UBR2: variants seen among roughly 807,000 people sequenced by gnomAD.
The protein encoded by UBR2 is E3 ubiquitin-protein ligase UBR2.
UBR2 carries 92 observed loss-of-function variants against 247.9 expected under a neutral mutation model. The ratio of observed to expected loss-of-function variants is 0.37; its 90% CI spans 0.31 to 0.44. The LOEUF (loss-of-function observed/expected upper bound fraction) is 0.44, where lower values mean the gene tolerates loss of function less well. Ranked by LOEUF, UBR2 falls within the 20% of genes least tolerant of loss-of-function variation. The probability of loss-of-function intolerance (pLI) is 1.00; values close to 1 mark genes in which losing one functional copy is unlikely to be tolerated. For missense variants in UBR2, 1,613 were observed against 2,112.6 expected, an observed-to-expected ratio of 0.76 and a Z score of 4.64; for synonymous variants, 672 against 693.5, an observed-to-expected ratio of 0.97 and a Z score of 0.49.
At chr6:42,622,411 T>G (rs2151944651) in intron 11 of UBR2, among the ~76,000 whole-genome samples, 1 of 151,324 alleles carries the variant, frequency 6.6e-6, no homozygotes, top group East Asian at 1.9e-4. Flanking sequence ...GTGGGTTTTT[T>G]TTTTTTTTGA....
At chr6:42,675,571 C>T (rs1321659032) in intron 38 of UBR2, among the ~76,000 whole-genome samples, 3 of 152,104 alleles carry the variant, frequency 2.0e-5, no homozygotes, top group African/African-American at 7.2e-5. Context: ...TTTCATGTAG[C>T]CAGTCCTATT....
rs537022561 is a variant in UBR2 at position 42,656,293 on chromosome 6, AT to A, written c.2872+571del. Among the ~76,000 whole-genome samples the A allele has an allele frequency of 1.9e-3, 286 of 152,318 alleles. 2 individuals are homozygous for A. Among genetic ancestry groups the A allele is most frequent in the African/African-American group, 6.2e-3 (257 of 41,568 alleles). ...TTACCTGCAATTGTGGCAATTTTGA[AT>A]GTTTTTTGTTTAGAGTTTTTTTAAA... On this transcript the variant is annotated intron_variant, in intron 26 of 46. Coordinates refer to ENST00000372901, the MANE Select transcript of UBR2 (RefSeq NM_001363705.2).
At chr6:42,568,591 G>A (rs950709679) in intron 1 of UBR2, among the ~76,000 whole-genome samples, 2 of 152,166 alleles carry the variant, frequency 1.3e-5, no homozygotes, top group East Asian at 1.9e-4. Context: ...TTAGCCGGGC[G>A]TGGTGGCAGG....
chr6:42,637,388 A>G (rs1295943933), intron 15 of UBR2, among the ~76,000 whole-genome samples, 194 bp downstream of exon 15: 1 of 152,234 alleles, frequency 6.6e-6, no homozygotes, highest in Non-Finnish European at 1.5e-5. Flanking sequence ...AGACAGAGGC[A>G]TAGAGAGTGA....
intron 34 of UBR2, among the ~76,000 whole-genome samples, chr6:42,669,315 CTT>C (rs1345103910): frequency 6.6e-6 from 1 of 152,090 alleles, no homozygotes; most frequent in African/African-American, 2.4e-5. Context: ...GTATATGAAT[CTT>C]TTTTTATTCA....
In UBR2 at chr6:42,600,625, C is replaced by CAAAAAAA. The variant is rs71680032; in HGVS notation, c.532-2947_532-2941dup. Among the ~76,000 whole-genome samples, 51 of 106,130 alleles carry CAAAAAAA rather than the reference C, an allele frequency of 4.8e-4. 2 individuals are homozygous for CAAAAAAA. The highest frequency in any genetic ancestry group is 1.6e-3 in the African/African-American group (43 of 27,016). 69.6% of individuals were successfully genotyped at this position (106,130 alleles called of 152,430 possible). On this transcript the variant is annotated intron_variant, in intron 4 of 46. Coordinates refer to ENST00000372901, the MANE Select transcript of UBR2 (RefSeq NM_001363705.2). ...CCTGCCTCAAACTGGGTTACTGTAG[C>CAAAAAAA]AAAAAAAAAAAAAAAAAAAAAATTA...
chr6:42,572,441 A>G (rs1791216334), intron 1 of UBR2, among the ~76,000 whole-genome samples: 1 of 150,578 alleles, frequency 6.6e-6, no homozygotes, highest in Admixed American at 6.6e-5. Flanking sequence ...ATGATGTTAC[A>G]TATCACTTGA....
chr6:42,631,065 A>G (rs1015191201), intron 11 of UBR2, among the ~76,000 whole-genome samples: 6 of 152,104 alleles, frequency 3.9e-5, no homozygotes, highest in Admixed American at 6.6e-5. Flanking sequence ...CAGCCTCCCA[A>G]AGTGCTGGCG....
At chr6:42,678,402 A>G (rs1203346410) in intron 40 of UBR2, 137 bp from the exon 41 acceptor site, 13 of 849,332 alleles carry the variant, frequency 1.5e-5, no homozygotes, top group Non-Finnish European at 1.7e-6. Flanking sequence ...AATAACACAC[A>G]CCCACTTGCC....
rs901676994 is a variant in UBR2 at position 42,620,059 on chromosome 6, T to C, written c.1281+2552T>C. ...TATATCTGTCTGGTCTATCTGGATA[T>C]GTATGTATTCAGATTAAATAGGTTC... is the stretch of plus-strand genomic sequence containing the variant. On this transcript the variant is annotated intron_variant, in intron 11 of 46. Transcript: ENST00000372901. 6 of 918,238 alleles carry C rather than the reference T, an allele frequency of 6.5e-6. No homozygotes were observed. In the African/African-American group the frequency reaches 7.2e-5, roughly 11 times the overall value. 56.9% of individuals were successfully genotyped at this position (918,238 alleles called of 1,614,324 possible).
intron 8 of UBR2, among the ~76,000 whole-genome samples, chr6:42,614,130 T>A (rs1433057668): frequency 7.4e-6 from 1 of 134,440 alleles, no homozygotes; most frequent in Non-Finnish European, 1.5e-5. Flanking sequence ...TGAGCCAAGA[T>A]CACATCACCG....
intron 22 of UBR2, among the ~76,000 whole-genome samples, chr6:42,648,938 T>TG (rs1443946440): frequency 7.2e-5 from 11 of 152,192 alleles, no homozygotes; most frequent in African/African-American, 1.2e-4. Flanking sequence ...TTTGTGTCTT[T>TG]GGGGGGGCGG....
intron 7 of UBR2, among the ~76,000 whole-genome samples, chr6:42,610,339 A>G (rs1234937880): frequency 2.0e-5 from 3 of 152,354 alleles, no homozygotes; most frequent in African/African-American, 7.2e-5. Flanking sequence ...TTCTAGGTAT[A>G]TATGCAAAAT....
chr6:42,662,092 T>C, intron 30 of UBR2, 92 bp from the exon 31 acceptor site: 1 of 791,074 alleles, frequency 1.3e-6, no homozygotes, highest in Non-Finnish European at 2.0e-6. Context: ...TTCAAGTCTT[T>C]ATCAAGGATT....
At chr6:42,654,611 G>C (rs1797333647) in intron 25 of UBR2, among the ~76,000 whole-genome samples, 1 of 152,126 alleles carries the variant, frequency 6.6e-6, no homozygotes, top group Non-Finnish European at 1.5e-5. Context: ...TATAATCCCA[G>C]CTACTCAGGA....
chr6:42,594,759 G>GTGA (rs1231617062), intron 4 of UBR2, among the ~76,000 whole-genome samples: 1 of 152,158 alleles, frequency 6.6e-6, no homozygotes, highest in Admixed American at 6.5e-5. Context: ...ACCATGTGTA[G>GTGA]TGATGATAGC....
intron 1 of UBR2, among the ~76,000 whole-genome samples, chr6:42,573,471 T>A (rs1038790699): frequency 3.3e-5 from 5 of 152,202 alleles, no homozygotes; most frequent in Admixed American, 1.3e-4. Context: ...TGGTACTGCC[T>A]AGAGAAGATT....
chr6:42,673,916 G>A, intron 37 of UBR2, 29 bp downstream of exon 37: 4 of 1,564,844 alleles, frequency 2.6e-6, no homozygotes, highest in South Asian at 1.1e-5. Context: ...ATAACATGTT[G>A]TAATTTTTCA....
chr6:42,638,548 A>G (rs1011641881), intron 15 of UBR2, among the ~76,000 whole-genome samples: 1 of 152,198 alleles, frequency 6.6e-6, no homozygotes, highest in African/African-American at 2.4e-5. Flanking sequence ...TCATGATCGT[A>G]AGAAGAAATC....
Sources: gnomAD v4.1 joint callset for allele counts (sites outside exome capture counted in the v4.1 genomes callset) on GRCh38, gnomAD v4.1.1 for gene constraint, MANE v1.5 for transcripts, NCBI Gene and HGNC (gene_info 2026-07-23, HGNC 2026-07-21) for gene names.